BLTP1: variants seen among roughly 807,000 people sequenced by gnomAD.
BLTP1 encodes the protein bridge-like lipid transfer protein family member 1, also known as fragile site-associated protein.
chr4:122,348,927 T>A, the BLTP1 span: 1 of 537,622 alleles, frequency 1.9e-6, no homozygotes, highest in Non-Finnish European at 3.2e-6. Flanking sequence ...AAAAAGGGAA[T>A]CAATTATAAG....
At chr4:122,320,803 AT>A in the BLTP1 span, among the ~76,000 whole-genome samples, 827 of 152,216 alleles carry the variant, frequency 5.4e-3, 2 homozygotes, top group Non-Finnish European at 9.2e-3. Flanking sequence ...AAAGTGATTA[AT>A]GATAGCTTTG....
chr4:122,230,091 T>C, the BLTP1 span: 2 of 1,614,190 alleles, frequency 1.2e-6, no homozygotes, highest in East Asian at 4.5e-5. Context: ...GCCTATTGGC[T>C]TGAAGCTGGG....
chr4:122,167,835 A>T, the BLTP1 span: 1 of 985,380 alleles, frequency 1.0e-6, no homozygotes, highest in Non-Finnish European at 1.2e-6. Flanking sequence ...TGCAACTCTT[A>T]GATTGAACTG....
At chr4:122,154,612 G>T in the BLTP1 span, among the ~76,000 whole-genome samples, 7 of 152,220 alleles carry the variant, frequency 4.6e-5, no homozygotes, top group Non-Finnish European at 8.8e-5. Context: ...GGTGGCTCAC[G>T]CCTGTAATCC....
At chr4:122,288,400 G>A in the BLTP1 span, among the ~76,000 whole-genome samples, 1 of 151,986 alleles carries the variant, frequency 6.6e-6, no homozygotes, top group Non-Finnish European at 1.5e-5. Context: ...TCTATTTTTG[G>A]CTGGACATAG....
the BLTP1 span, chr4:122,214,593 A>ATTT: frequency 2.9e-6 from 1 of 343,720 alleles, no homozygotes; most frequent in Non-Finnish European, 3.5e-6. Context: ...TTTGGTAACT[A>ATTT]TTTTTTTTTT....
At chr4:122,246,600 A>G in the BLTP1 span, 2 of 1,472,226 alleles carry the variant, frequency 1.4e-6, no homozygotes, top group African/African-American at 2.8e-5. Context: ...CATTCTTAAC[A>G]GTAGTTTTTC....
chr4:122,350,949 AAC>A, the BLTP1 span, among the ~76,000 whole-genome samples: 1 of 152,176 alleles, frequency 6.6e-6, no homozygotes, highest in Non-Finnish European at 1.5e-5. Context: ...GAGAGTTTTA[AAC>A]AGATTTGATA....
chr4:122,275,943 C>T, the BLTP1 span: 1 of 1,512,448 alleles, frequency 6.6e-7, no homozygotes, highest in Non-Finnish European at 8.8e-7. Flanking sequence ...TTTTTGTTTT[C>T]CCACTTTCTC....
chr4:122,208,706 C>G, the BLTP1 span: 3 of 948,048 alleles, frequency 3.2e-6, no homozygotes, highest in African/African-American at 5.3e-5. Context: ...TAGTTTTAGT[C>G]AATGTAAAAT....
chr4:122,188,029 T>C, the BLTP1 span: 1 of 1,586,594 alleles, frequency 6.3e-7, no homozygotes, highest in African/African-American at 1.4e-5. Context: ...AAGGAAAGCT[T>C]GAAAATGTTC....
At chr4:122,212,861 T>C in the BLTP1 span, among the ~76,000 whole-genome samples, 1 of 152,148 alleles carries the variant, frequency 6.6e-6, no homozygotes, top group African/African-American at 2.4e-5. Flanking sequence ...GACATTCATC[T>C]AATTAGCTTA....
At chr4:122,188,488 A>T in the BLTP1 span, among the ~76,000 whole-genome samples, 1 of 152,144 alleles carries the variant, frequency 6.6e-6, no homozygotes, top group Non-Finnish European at 1.5e-5. Context: ...AGTTATTGAA[A>T]GTCGAAAATT....
At chr4:122,193,160 T>C in the BLTP1 span, among the ~76,000 whole-genome samples, 7 of 152,278 alleles carry the variant, frequency 4.6e-5, no homozygotes, top group African/African-American at 1.7e-4. Flanking sequence ...TAATTACCCT[T>C]CTTAAGACCC....
At chr4:122,236,996 T>C in the BLTP1 span, 1 of 985,206 alleles carries the variant, frequency 1.0e-6, no homozygotes, top group African/African-American at 1.7e-5. Flanking sequence ...ATTTGGAAGG[T>C]CAGTGAGCAC....
the BLTP1 span, chr4:122,272,500 T>C: frequency 4.7e-5 from 53 of 1,129,564 alleles, no homozygotes; most frequent in East Asian, 1.1e-3. Context: ...AAATTCCTAA[T>C]TGGCAAATTT....
chr4:122,189,779 A>G, the BLTP1 span: 96 of 896,880 alleles, frequency 1.1e-4, no homozygotes, highest in Admixed American at 5.6e-4. Flanking sequence ...TTTTAGTATC[A>G]TTTTATTATT....
At chr4:122,281,666 G>A in the BLTP1 span, 1 of 1,613,286 alleles carries the variant, frequency 6.2e-7, no homozygotes. Flanking sequence ...GAAGCCTATT[G>A]TTCTTAAATT....
the BLTP1 span, among the ~76,000 whole-genome samples, chr4:122,285,213 G>C: frequency 6.6e-6 from 1 of 152,084 alleles, no homozygotes. Flanking sequence ...AATATCCAGA[G>C]AGATAAGAAC....
Sources: gnomAD v4.1 joint callset for allele counts (sites outside exome capture counted in the v4.1 genomes callset) on GRCh38, gnomAD v4.1.1 for gene constraint, MANE v1.5 for transcripts, NCBI Gene and HGNC (gene_info 2026-07-23, HGNC 2026-07-21) for gene names.